MEIKIN: variants seen among roughly 807,000 people sequenced by gnomAD.
The protein encoded by MEIKIN is meiotic kinetochore factor.
At chr5:131,900,700 G>T (rs1751141971) in intron 8 of MEIKIN, among the ~76,000 whole-genome samples, 2 of 152,110 alleles carry the variant, frequency 1.3e-5, no homozygotes, top group Admixed American at 1.3e-4. Context: ...GTCACCTCTT[G>T]GTTGGCCTGC....
rs1158220526 is a variant in MEIKIN, at chr5:131,845,272, T to TAAAAAAAAAAAAA, written c.975+5979_975+5991dup. 1.9e-3 allele frequency among the ~76,000 whole-genome samples: 85 copies of TAAAAAAAAAAAAA among 45,358 alleles called. 8 individuals are homozygous for TAAAAAAAAAAAAA. The highest frequency in any genetic ancestry group is 0.011 in the African/African-American group (79 of 7,160). The allele number at this position is 45,358 out of a possible 152,430, so 29.8% of individuals were successfully genotyped here. A position where few individuals can be genotyped will look rare whatever the true frequency, so the allele number is the denominator to read the frequency against. On this transcript the variant is annotated intron_variant, in intron 11 of 12. Coordinates refer to ENST00000442687, the MANE Select transcript of MEIKIN (RefSeq NM_001303622.2). Reference sequence around the variant, plus strand: ...GTGACAGAGCGAGAAGACTTCGTCTTAAAAAAAAAAAAAAAAAAAAAAAAA... The same window carrying TAAAAAAAAAAAAA: ...GTGACAGAGCGAGAAGACTTCGTCTTAAAAAAAAAAAAAAAAAAAAAAAAAAAAAAAAAAAAAA...
At chr5:131,845,257 G>A (rs1237621797) in intron 11 of MEIKIN, among the ~76,000 whole-genome samples, 10 of 114,336 alleles carry the variant, frequency 8.7e-5, no homozygotes, top group Admixed American at 3.9e-4. Context: ...GTGACAGAGC[G>A]AGAAGACTTC....
Position 131,820,863 on chromosome 5 carries a change from C to T in MEIKIN, c.976-2000G>A, listed in dbSNP as rs73256036. 1.9e-3 allele frequency among the ~76,000 whole-genome samples: 287 copies of T among 152,084 alleles called. 1 individual carries two copies. Among genetic ancestry groups the T allele is most frequent in the African/African-American group, 5.8e-3 (242 of 41,506 alleles). ...TTCTGTAGTATTCATTGTAATGTTC[C>T]TTCTTCATCTCTGATTTTATTTACT... On this transcript the variant is annotated intron_variant, in intron 11 of 12. Coordinates refer to ENST00000442687, the MANE Select transcript of MEIKIN (RefSeq NM_001303622.2).
intron 5 of MEIKIN, among the ~76,000 whole-genome samples, chr5:131,927,130 A>T (rs1036449888): frequency 6.6e-6 from 1 of 152,074 alleles, no homozygotes; most frequent in African/African-American, 2.4e-5. Context: ...ATTGTTATAA[A>T]ATTCCCTCAG....
At chr5:131,889,180 A>T (rs1355583663) in intron 8 of MEIKIN, among the ~76,000 whole-genome samples, 7 of 152,106 alleles carry the variant, frequency 4.6e-5, no homozygotes, top group Non-Finnish European at 1.5e-5. Context: ...CTTAGGATTG[A>T]CTTGGCAATG....
chr5:131,873,069 G>A (rs1197396385), intron 9 of MEIKIN, among the ~76,000 whole-genome samples: 3 of 152,120 alleles, frequency 2.0e-5, no homozygotes, highest in Non-Finnish European at 4.4e-5. Context: ...GACCATCAAG[G>A]CTAGGAAGAA....
chr5:131,854,988 A>G (rs1750170498), intron 9 of MEIKIN, among the ~76,000 whole-genome samples, 154 bp from the exon 10 acceptor site: 1 of 152,256 alleles, frequency 6.6e-6, no homozygotes, highest in Admixed American at 6.5e-5. Context: ...ACCACTTCAC[A>G]GGAAACTAAA....
chr5:131,932,478 T>C (rs1291573833), intron 5 of MEIKIN, among the ~76,000 whole-genome samples: 2 of 152,162 alleles, frequency 1.3e-5, no homozygotes, highest in Non-Finnish European at 1.5e-5. Context: ...CTCATGATAA[T>C]GCCAAAAGTG....
At chr5:131,914,951 TAGG>T (rs1168597889) in intron 7 of MEIKIN, among the ~76,000 whole-genome samples, 3 of 152,218 alleles carry the variant, frequency 2.0e-5, no homozygotes, top group African/African-American at 4.8e-5. Flanking sequence ...TTTAGAACTC[TAGG>T]AGATGTCCAT....
At chr5:131,856,144 G>T (rs535641866) in intron 9 of MEIKIN, among the ~76,000 whole-genome samples, 2 of 152,268 alleles carry the variant, frequency 1.3e-5, no homozygotes, top group African/African-American at 4.8e-5. Context: ...ACAATAAAAT[G>T]AACACATCAG....
Position 131,933,650 on chromosome 5 carries a change from T to C in MEIKIN, c.350-9A>G, listed in dbSNP as rs1353561054. 2.8e-5 allele frequency: 11 copies of C among 397,722 alleles called. No homozygotes were observed. The highest frequency in any genetic ancestry group is 4.4e-5 in the Non-Finnish European group (10 of 225,628). 24.6% of individuals were successfully genotyped at this position (397,722 alleles called of 1,614,324 possible). A position where few individuals can be genotyped will look rare whatever the true frequency, so the allele number is the denominator to read the frequency against. On this transcript the variant is annotated splice_polypyrimidine_tract_variant and intron_variant, in intron 4 of 12. Transcript: ENST00000442687. ...ATGGTGCAAACTTAATCCTGTAGAATAAAGGAAAAAAAAATTGATAAATCT... is the reference window on the plus strand; with the variant it reads ...ATGGTGCAAACTTAATCCTGTAGAACAAAGGAAAAAAAAATTGATAAATCT...
At position 131,854,812 on chromosome 5, in the gene MEIKIN, C is replaced by G. The variant is rs1750167884; in HGVS notation, c.797G>C (p.Gly266Ala). Residue 266 changes from glycine to alanine, a missense_variant, in exon 10 of 13, where the codon GGT (glycine) becomes GCT (alanine). By Grantham distance (60) the Gly-to-Ala change is moderately conservative. Transcript: ENST00000442687. ...KKKKTNSSTP[G>A]KKNRGLLTST... ...TGTTAAAAGGCCTCTGTTTTTCTTA[C>G]CAGGAGTACTGGAATTTGTTTTCTA... 7.5e-6 allele frequency: 3 copies of G among 397,592 alleles called. No individual in the cohort carries two copies. Among genetic ancestry groups the G allele is most frequent in the Non-Finnish European group, 1.3e-5 (3 of 225,512 alleles). 24.6% of individuals were successfully genotyped at this position (397,592 alleles called of 1,614,324 possible).
intron 11 of MEIKIN, among the ~76,000 whole-genome samples, chr5:131,838,390 C>G (rs1749848255): frequency 6.6e-6 from 1 of 152,030 alleles, no homozygotes; most frequent in East Asian, 1.9e-4. Flanking sequence ...AGGGGAGTCC[C>G]TCATTTTCAA....
In MEIKIN at chr5:131,822,831, A is replaced by G. The variant is rs189201223; in HGVS notation, c.976-3968T>C. On this transcript the variant is annotated intron_variant, in intron 11 of 12. Transcript: ENST00000442687. Reference sequence around the variant, plus strand: ...TTAACATCCTTTTCTTTCAGAATGAAGAAATCCCTTTAGCATTTCCTATAG... The same window carrying G: ...TTAACATCCTTTTCTTTCAGAATGAGGAAATCCCTTTAGCATTTCCTATAG... Among the ~76,000 whole-genome samples, 463 of 152,252 alleles carry G rather than the reference A, an allele frequency of 3.0e-3. 2 individuals are homozygous for G. Among genetic ancestry groups the G allele is most frequent in the African/African-American group, 0.01 (431 of 41,554 alleles).
intron 9 of MEIKIN, among the ~76,000 whole-genome samples, chr5:131,876,001 G>A (rs867961544): frequency 6.6e-6 from 1 of 152,086 alleles, no homozygotes; most frequent in Non-Finnish European, 1.5e-5. Context: ...AATTCAAGAT[G>A]GATTAAAGAC....
intron 11 of MEIKIN, among the ~76,000 whole-genome samples, chr5:131,826,669 C>T (rs1408044419): frequency 6.6e-6 from 1 of 152,112 alleles, no homozygotes; most frequent in South Asian, 2.1e-4. Context: ...GGCAGTTTCC[C>T]CCATGCTGTT....
chr5:131,924,835 C>G (rs1751563087), intron 5 of MEIKIN, among the ~76,000 whole-genome samples: 1 of 152,080 alleles, frequency 6.6e-6, no homozygotes, highest in Admixed American at 6.5e-5. Flanking sequence ...GTGATGATGT[C>G]TCACTCGTTA....
chr5:131,882,052 TA>T (rs749740397), intron 8 of MEIKIN, among the ~76,000 whole-genome samples: 2 of 152,318 alleles, frequency 1.3e-5, no homozygotes, highest in Admixed American at 6.5e-5. Context: ...CTCAAGAATT[TA>T]ATATTCATCC....
chr5:131,899,157 T>G (rs1435115967), intron 8 of MEIKIN, among the ~76,000 whole-genome samples: 1 of 152,140 alleles, frequency 6.6e-6, no homozygotes, highest in East Asian at 1.9e-4. Flanking sequence ...CAATAAGATA[T>G]AAATAAAAAC....
Sources: allele counts gnomAD v4.1 joint callset (sites outside exome capture counted in the v4.1 genomes callset), GRCh38; gene constraint gnomAD v4.1.1; transcripts MANE v1.5; gene names NCBI Gene and HGNC (gene_info 2026-07-23, HGNC 2026-07-21).